SPG7: variants seen among roughly 807,000 people sequenced by gnomAD.
The protein encoded by SPG7 is SPG7 matrix AAA peptidase subunit, paraplegin.
A neutral mutation model predicts 81.9 loss-of-function variants in SPG7; 103 were observed. The ratio of observed to expected loss-of-function variants is 1.26; its 90% CI spans 1.07 to 1.48. SPG7 has a LOEUF of 1.48. Among genes scored for constraint, SPG7 ranks in the 40% most tolerant of loss-of-function variants. SPG7 has a pLI of 0.00. For missense variants in SPG7, 1,241 were observed against 1,087.3 expected, an observed-to-expected ratio of 1.14 and a Z score of -1.99; for synonymous variants, 534 against 444.2, an observed-to-expected ratio of 1.20 and a Z score of -2.54.
intron 16 of SPG7, chr16:89,555,376 A>C (rs1448594868): frequency 6.6e-6 from 1 of 152,626 alleles, no homozygotes; most frequent in Non-Finnish European, 1.5e-5. Context: ...CCACAGCCCC[A>C]CGCTGATTAT....
intron 3 of SPG7, chr16:89,522,377 CAGG>C (rs1019577020): frequency 2.6e-5 from 4 of 152,282 alleles, no homozygotes; most frequent in African/African-American, 4.8e-5. Context: ...CAAGACAATG[CAGG>C]AGGAGAAGAG....
chr16:89,537,712 C>T lies in SPG7; in HGVS notation c.1324+5076C>T, dbSNP rs181682295. ...TTCAGTCTGTGAAAAATAAAGTCAT[C>T]AGCATGTGAGCTTGGCAGTGCTTGC... On this transcript the variant is annotated intron_variant, in intron 9 of 16. Coordinates refer to ENST00000645818, the MANE Select transcript of SPG7 (RefSeq NM_003119.4). 316 of 985,140 alleles carry T rather than the reference C, an allele frequency of 3.2e-4. 2 individuals are homozygous for T. In the African/African-American group the frequency reaches 5.1e-3, roughly 16 times the overall value. 61.0% of individuals were successfully genotyped at this position (985,140 alleles called of 1,614,324 possible). A position where few individuals can be genotyped will look rare whatever the true frequency, so the allele number is the denominator to read the frequency against.
At chr16:89,550,293 C>A in intron 12 of SPG7, 2 of 546,924 alleles carry the variant, frequency 3.7e-6, no homozygotes, top group Non-Finnish European at 6.8e-6. Context: ...TTGCCTCAGC[C>A]TCCCAAGTAG....
chr16:89,552,810 T>C (rs2058649490), intron 13 of SPG7, 169 bp from the exon 14 acceptor site: 4 of 677,472 alleles, frequency 5.9e-6, no homozygotes, highest in Non-Finnish European at 1.1e-5. Context: ...CTGCTGTCTC[T>C]GGGCTGGCCA....
At chr16:89,513,129 A>C (rs2058044665) in intron 3 of SPG7, 92 bp downstream of exon 3, 5 of 1,525,518 alleles carry the variant, frequency 3.3e-6, no homozygotes, top group Non-Finnish European at 4.4e-6. Context: ...CAGTCTGGAA[A>C]ATGGGGAGAT....
chr16:89,554,505 C>T lies in SPG7; in HGVS notation c.2123C>T (p.Ala708Val), dbSNP rs927057263. 3.1e-6 allele frequency: 5 copies of T among 1,609,084 alleles called. No homozygotes were observed. Among genetic ancestry groups the T allele is most frequent in the Non-Finnish European group, 4.2e-6 (5 of 1,179,686 alleles). ...TCACAGGAAGCAAGACTGCTGGTGG[C>T]CAAGGCCTACAGACACACCGAGAAG... Reference protein sequence around the residue: ...MMDHEARLLVAKAYRHTEKVL... With the variant: ...MMDHEARLLVVKAYRHTEKVL... Residue 708 changes from alanine to valine, a missense_variant, in exon 16 of 17, where the codon GCC (alanine) becomes GTC (valine). Coordinates refer to ENST00000645818, the MANE Select transcript of SPG7 (RefSeq NM_003119.4).
intron 9 of SPG7, chr16:89,537,757 A>C: frequency 1.0e-6 from 1 of 985,440 alleles, no homozygotes; most frequent in Non-Finnish European, 1.2e-6. Context: ...TTTCAGGTCC[A>C]GGCTCCCAGT....
intron 3 of SPG7, chr16:89,523,566 G>A (rs1033076208): frequency 1.1e-5 from 4 of 380,112 alleles, no homozygotes; most frequent in Admixed American, 6.1e-5. Context: ...CATCTGTGAC[G>A]GCTCGGACGG....
intron 3 of SPG7, among the ~76,000 whole-genome samples, chr16:89,515,803 G>A (rs1474647675): frequency 6.6e-6 from 1 of 151,570 alleles, no homozygotes; most frequent in Non-Finnish European, 1.5e-5. Flanking sequence ...TGCTTCCTGG[G>A]TTCAGGCGAT....
Position 89,508,432 on chromosome 16 carries a change from G to A in SPG7, c.15G>A (p.Leu5=), listed in dbSNP as rs777054904. 3.3e-6 allele frequency: 5 copies of A among 1,493,706 alleles called. No individual in the cohort carries two copies. The highest frequency in any genetic ancestry group is 1.5e-5 in the African/African-American group (1 of 68,504). 92.5% of individuals were successfully genotyped at this position (1,493,706 alleles called of 1,614,324 possible). ...TTCAGGCCAACATGGCCGTGCTGCTGCTGCTGCTCCGTGCCCTCCGCCGGG... is the reference window on the plus strand; with the variant it reads ...TTCAGGCCAACATGGCCGTGCTGCTACTGCTGCTCCGTGCCCTCCGCCGGG... MAVL[L]LLLRALRRGP... Residue 5 remains leucine (L), a synonymous_variant, in exon 1 of 17, where the codon CTG becomes CTA. Coordinates refer to ENST00000645818, the MANE Select transcript of SPG7 (RefSeq NM_003119.4).
intron 13 of SPG7, 159 bp from the exon 14 acceptor site, chr16:89,552,820 A>G: frequency 1.4e-6 from 1 of 708,246 alleles, no homozygotes; most frequent in Admixed American, 2.0e-5. Context: ...TGGGCTGGCC[A>G]TCTAGAGTGT....
chr16:89,535,750 C>G (rs1369054551), intron 9 of SPG7, among the ~76,000 whole-genome samples: 1 of 152,262 alleles, frequency 6.6e-6, no homozygotes, highest in African/African-American at 2.4e-5. Flanking sequence ...GCGGAGATCA[C>G]CATGCGTTTT....
intron 9 of SPG7, chr16:89,540,302 T>C (rs2058478501): frequency 1.3e-5 from 2 of 152,156 alleles, no homozygotes; most frequent in Non-Finnish European, 2.9e-5. Context: ...TAAAGAGCAG[T>C]GACCGGCCCA....
intron 1 of SPG7, chr16:89,508,917 C>G: frequency 3.6e-6 from 2 of 558,424 alleles, no homozygotes; most frequent in Non-Finnish European, 6.8e-6. Flanking sequence ...TAACGGTTTC[C>G]GGCGTAGCAC....
In SPG7 at chr16:89,553,147, C is replaced by T. The variant is rs112379588; in HGVS notation, c.1936+12C>T. 1,712 of 1,590,904 alleles carry T rather than the reference C, an allele frequency of 1.1e-3. 19 individuals carry two copies. The African/African-American group carries it at 0.021, about 19-fold the overall frequency. The stretch of plus-strand genomic sequence containing the variant: ...CGAGGTCACTTCTGGTGAGGAGCAG[C>T]GGCGCGGGCCCTGGAGGTTTCAGAG... On this transcript the variant is annotated intron_variant, in intron 14 of 16. Coordinates refer to ENST00000645818, the MANE Select transcript of SPG7 (RefSeq NM_003119.4).
rs150026514 is a variant in SPG7 at position 89,535,520 on chromosome 16, G to A, written c.1324+2884G>A. The stretch of plus-strand genomic sequence containing the variant: ...TCAACACGCTTATTCAGGAACTAAC[G>A]CGTGAGCAACCGAGACCTGAATGGC... On this transcript the variant is annotated intron_variant, in intron 9 of 16. Transcript: ENST00000645818. Among the ~76,000 whole-genome samples the A allele has an allele frequency of 1.4e-4, 21 of 152,368 alleles. No individual in the cohort carries two copies. In the East Asian group the frequency reaches 2.7e-3, roughly 20 times the overall value.
intron 9 of SPG7, chr16:89,533,616 G>A (rs918146819): frequency 6.6e-6 from 1 of 152,252 alleles, no homozygotes; most frequent in Admixed American, 6.5e-5. Flanking sequence ...GTGCCCCCTG[G>A]AGAGGGTGTG....
chr16:89,512,554 A>T (rs142306826), intron 2 of SPG7, among the ~76,000 whole-genome samples: 1,766 of 151,952 alleles, frequency 0.012, 32 homozygotes, highest in African/African-American at 0.041. Flanking sequence ...CTCGTGAACC[A>T]CCTGCCTCGG....
At chr16:89,554,875 C>A in intron 16 of SPG7, 2 of 295,130 alleles carry the variant, frequency 6.8e-6, no homozygotes, top group Non-Finnish European at 6.5e-6. Flanking sequence ...TTTTCTTGAA[C>A]ATTTTTTTAA....
Sources: gnomAD v4.1 joint callset for allele counts (sites outside exome capture counted in the v4.1 genomes callset) on GRCh38, gnomAD v4.1.1 for gene constraint, MANE v1.5 for transcripts, NCBI Gene and HGNC (gene_info 2026-07-23, HGNC 2026-07-21) for gene names.